NOTCH1: variants seen among roughly 807,000 people sequenced by gnomAD.
NOTCH1 encodes the protein notch receptor 1.
NOTCH1 carries 37 observed loss-of-function variants against 254.8 expected under a neutral mutation model. That is an observed-to-expected ratio of 0.15 (90% CI 0.11 to 0.19). The LOEUF (loss-of-function observed/expected upper bound fraction) is 0.19. Among genes scored for constraint, NOTCH1 ranks in the 10% least tolerant of loss-of-function variants. NOTCH1 has a pLI of 1.00. For missense variants in NOTCH1, 2,972 were observed against 3,708.6 expected (o/e 0.80, Z 5.16); for synonymous variants, 1,731 against 1,618.1 (o/e 1.07, Z -1.68).
At chr9:136,514,727 C>A (rs374739676) in intron 12 of NOTCH1, 25 bp from the exon 13 acceptor site, 15 of 1,605,982 alleles carry the variant, frequency 9.3e-6, no homozygotes, top group Non-Finnish European at 1.3e-5. Flanking sequence ...GGTCAGACTC[C>A]GAGGCCCAGC....
chr9:136,501,661 T>C (rs11574906), intron 30 of NOTCH1, 87 bp downstream of exon 30: 4 of 1,504,676 alleles, frequency 2.7e-6, no homozygotes, highest in Non-Finnish European at 3.6e-6. Flanking sequence ...GTTTCCAGAG[T>C]ATCAACTGTA....
At chr9:136,519,661 C>T (rs774730908) in intron 4 of NOTCH1, 96 bp from the exon 5 acceptor site, 57 of 1,591,860 alleles carry the variant, frequency 3.6e-5, no homozygotes, top group Non-Finnish European at 4.8e-5. Flanking sequence ...AGAGCCTGGC[C>T]TCCACGGCCC....
At chr9:136,514,481 G>GTGTCC (rs1222174839) in intron 13 of NOTCH1, 29 bp downstream of exon 13, 2 of 1,547,648 alleles carry the variant, frequency 1.3e-6, no homozygotes, top group Admixed American at 3.9e-5. Flanking sequence ...TAGGACTGAT[G>GTGTCC]TGTCCCCATG....
intron 4 of NOTCH1, among the ~76,000 whole-genome samples, chr9:136,521,855 C>G (rs1035190485): frequency 1.3e-5 from 2 of 152,210 alleles, no homozygotes; most frequent in Non-Finnish European, 2.9e-5. Flanking sequence ...CTTGGGCCAC[C>G]CGTGGGTCAG....
At chr9:136,502,248 G>A (rs1417498396) in intron 28 of NOTCH1, 24 bp downstream of exon 28, 3 of 1,558,690 alleles carry the variant, frequency 1.9e-6, no homozygotes, top group Admixed American at 1.7e-5. Flanking sequence ...CGGGGACCCA[G>A]AAGCAGGGGC....
intron 2 of NOTCH1, among the ~76,000 whole-genome samples, chr9:136,533,932 C>T (rs558610864): frequency 2.5e-4 from 38 of 152,356 alleles, no homozygotes; most frequent in African/African-American, 7.9e-4. Flanking sequence ...CAGGTCTCCC[C>T]GCCGTGGCTC....
rs1843397835 is a variant in NOTCH1, at chr9:136,522,966, G to A, written c.626C>T (p.Thr209Ile). 6.4e-7 allele frequency: 1 copy of A among 1,558,420 alleles called. No individual in the cohort carries two copies. The highest frequency in any genetic ancestry group is 8.7e-7 in the Non-Finnish European group (1 of 1,151,762). ...VGSYRCVCRATHTGPNCERPY... is the reference protein window; with the variant it reads ...VGSYRCVCRAIHTGPNCERPY... The stretch of plus-strand genomic sequence containing the variant: ...CCGCTCGCAGTTGGGGCCAGTGTGG[G>A]TGGCGCGGCAGACGCAGCGGTAGGA... Residue 209 changes from threonine (T) to isoleucine (I), a missense_variant, in exon 4 of 34, where the codon ACC (threonine) becomes ATC (isoleucine). Physicochemically the swap from Thr to Ile is moderately conservative, Grantham distance 89 (BLOSUM62 -1). This residue lies in a region of NOTCH1 where 374 missense variants were observed against 496.3 expected (regional missense o/e 0.75). Coordinates refer to ENST00000651671, the MANE Select transcript of NOTCH1 (RefSeq NM_017617.5).
rs775812729 is a variant in NOTCH1 at position 136,544,098 on chromosome 9, C to T, written c.66G>A (p.Pro22=). The change falls in exon 2 of 34, where the codon CCG becomes CCA. Residue 22 remains proline (P), a synonymous_variant. Coordinates refer to ENST00000651671, the MANE Select transcript of NOTCH1 (RefSeq NM_017617.5). ...ALLPALAARG[P]RCSQPGETCL... is the part of the protein sequence containing the mutation. The stretch of plus-strand genomic sequence containing the variant: ...AGGTCTCACCGGGCTGGGAGCATCG[C>T]GGGCCTAGGCAGGGGCAGGAGAAGA... The T allele has an allele frequency of 5.7e-6, 9 of 1,572,660 alleles. No individual in the cohort carries two copies. In the South Asian group the frequency reaches 5.8e-5, roughly 10 times the overall value.
intron 4 of NOTCH1, among the ~76,000 whole-genome samples, chr9:136,520,138 A>C (rs1203615365): frequency 6.6e-6 from 1 of 151,024 alleles, no homozygotes; most frequent in Non-Finnish European, 1.5e-5. Context: ...GTATGGCCCC[A>C]CCCAGGCCTC....
At chr9:136,517,685 C>G in intron 8 of NOTCH1, 67 bp downstream of exon 8, 1 of 1,582,206 alleles carries the variant, frequency 6.3e-7, no homozygotes, top group East Asian at 2.2e-5. Flanking sequence ...ACAGATGTTC[C>G]CGGGGCTGCC....
At chr9:136,522,380 G>A (rs1041242706) in intron 4 of NOTCH1, among the ~76,000 whole-genome samples, 5 of 152,310 alleles carry the variant, frequency 3.3e-5, no homozygotes, top group South Asian at 2.1e-4. Context: ...CACGGGGATC[G>A]GGGAGCACTG....
At chr9:136,504,138 T>C (rs1326162346) in intron 26 of NOTCH1, among the ~76,000 whole-genome samples, 1 of 152,138 alleles carries the variant, frequency 6.6e-6, no homozygotes, top group African/African-American at 2.4e-5. Context: ...TTGTCTGGGG[T>C]GGGGCTGTTC....
In NOTCH1 at chr9:136,506,456, G is replaced by T; in HGVS notation, c.4014+71C>A. The T allele has an allele frequency of 7.3e-7, 1 of 1,372,502 alleles. No individual in the cohort carries two copies. The highest frequency in any genetic ancestry group is 1.0e-6 in the Non-Finnish European group (1 of 994,964). The allele number at this position is 1,372,502 out of a possible 1,614,324, so 85.0% of individuals were successfully genotyped here. ...AGGATCACTGCCCGGTCTGCGCCCC[G>T]AGGCCCCCACGTGGACCTCTCCAGG... On this transcript the variant is annotated intron_variant, in intron 24 of 33. Coordinates refer to ENST00000651671, the MANE Select transcript of NOTCH1 (RefSeq NM_017617.5). This position sits in a 1 kb window ranked among gnomAD's most constrained non-coding sequence, Gnocchi z 4.5.
At chr9:136,530,611 G>A (rs1843544648) in intron 2 of NOTCH1, among the ~76,000 whole-genome samples, 1 of 152,172 alleles carries the variant, frequency 6.6e-6, no homozygotes, top group Non-Finnish European at 1.5e-5. Context: ...TTTGGAGTGT[G>A]AAAAACGCCT....
intron 2 of NOTCH1, among the ~76,000 whole-genome samples, chr9:136,527,017 G>A (rs921317088): frequency 6.6e-6 from 1 of 152,230 alleles, no homozygotes; most frequent in Non-Finnish European, 1.5e-5. Flanking sequence ...GCCACGGCTT[G>A]GAGGTTCCGT....
intron 31 of NOTCH1, 130 bp from the exon 32 acceptor site, chr9:136,499,389 C>A (rs888633371): frequency 8.0e-6 from 11 of 1,366,652 alleles, no homozygotes; most frequent in African/African-American, 1.4e-5. Context: ...GAGATCGGCA[C>A]GGCCGGGCAA....
At position 136,499,261 on chromosome 9, in the gene NOTCH1, TG is replaced by T. The variant is rs1293856114; in HGVS notation, c.5935-3del. 6.2e-7 allele frequency: 1 copy of T among 1,612,476 alleles called. No homozygotes were observed. The highest frequency in any genetic ancestry group is 8.5e-7 in the Non-Finnish European group (1 of 1,179,976). On this transcript the variant is annotated splice_polypyrimidine_tract_variant and splice_region_variant and intron_variant, in intron 31 of 33. Transcript: ENST00000651671. ...TGTGGCTCGGTTCCGGATCAGGATC[TG>T]GGCAACAGGGAGAGGCTCAGGCGGG...
chr9:136,509,216 C>T, intron 18 of NOTCH1, 145 bp from the exon 19 acceptor site: 2 of 764,280 alleles, frequency 2.6e-6, no homozygotes, highest in Non-Finnish European at 2.1e-6. Flanking sequence ...CTGGCTGACC[C>T]AGGGAGGCCA....
intron 28 of NOTCH1, 35 bp downstream of exon 28, chr9:136,502,237 C>G: frequency 6.2e-7 from 1 of 1,602,348 alleles, no homozygotes; most frequent in Non-Finnish European, 8.5e-7. Context: ...CCACCTCCCA[C>G]CGGGGACCCA....
Sources: gnomAD v4.1 joint callset for allele counts (sites outside exome capture counted in the v4.1 genomes callset) on GRCh38, gnomAD v4.1.1 for gene constraint, gnomAD v4.1.1 regional missense constraint, Gnocchi (gnomAD v3.1) non-coding constraint, MANE v1.5 for transcripts, NCBI Gene and HGNC (gene_info 2026-07-23, HGNC 2026-07-21) for gene names.